The following UNC5D variants were observed in gnomAD, a reference collection of about 807,000 sequenced individuals.
The protein encoded by UNC5D is netrin receptor UNC5D.
In UNC5D, 39 loss-of-function variants were observed where a neutral mutation model predicts 105.4. The observed-to-expected ratio is 0.37, with a 90% confidence interval of 0.29 to 0.48. The LOEUF (loss-of-function observed/expected upper bound fraction) is 0.48, where lower values mean the gene tolerates loss of function less well. Ranked by LOEUF, UNC5D falls within the 20% of genes least tolerant of loss-of-function variation. The pLI, the probability that UNC5D is intolerant of heterozygous loss-of-function variation, is 0.98. For synonymous variants in UNC5D, 452 were observed against 450.4 expected (o/e 1.00, Z -0.04); for missense variants, 991 against 1,202.4 (o/e 0.82, Z 2.60).
chr8:35,597,683 C>T (rs1819574012), intron 4 of UNC5D, among the ~76,000 whole-genome samples: 3 of 152,076 alleles, frequency 2.0e-5, no homozygotes, highest in Admixed American at 1.3e-4. Flanking sequence ...ACTTCGCATA[C>T]TCTAGGTCTC....
At chr8:35,667,057 A>T (rs1272047949) in intron 4 of UNC5D, among the ~76,000 whole-genome samples, 1 of 152,174 alleles carries the variant, frequency 6.6e-6, no homozygotes, top group African/African-American at 2.4e-5. Context: ...GAACTAAAAA[A>T]CAAAAACAAT....
At chr8:35,624,533 A>G (rs1330442693) in intron 4 of UNC5D, among the ~76,000 whole-genome samples, 1 of 152,224 alleles carries the variant, frequency 6.6e-6, no homozygotes, top group African/African-American at 2.4e-5. Context: ...TCCAAACCCT[A>G]CTTCTGACAA....
At chr8:35,430,851 A>G (rs1806584703) in intron 1 of UNC5D, among the ~76,000 whole-genome samples, 1 of 152,244 alleles carries the variant, frequency 6.6e-6, no homozygotes, top group Admixed American at 6.5e-5. Context: ...GTAAGAGTGC[A>G]GAGTGACAGA....
chr8:35,305,593 C>CTTTATTTCTTTCTTTCTTTCTTTCT (rs1381069195), intron 1 of UNC5D, among the ~76,000 whole-genome samples: 1 of 142,022 alleles, frequency 7.0e-6, no homozygotes, highest in Non-Finnish European at 1.5e-5. Flanking sequence ...TTCTTTCTTT[C>CTTTATTTCTTTCTTTCTTTCTTTCT]TTTCTTTCTT....
Position 35,719,794 on chromosome 8 carries a change from G to A in UNC5D, c.1118-2416G>A, listed in dbSNP as rs114405825. Among the ~76,000 whole-genome samples the A allele has an allele frequency of 6.2e-3, 938 of 152,170 alleles. 11 individuals carry two copies. Among genetic ancestry groups the A allele is most frequent in the African/African-American group, 0.021 (858 of 41,508 alleles). On this transcript the variant is annotated intron_variant, in intron 8 of 16. Coordinates refer to ENST00000404895, the MANE Select transcript of UNC5D (RefSeq NM_080872.4). The stretch of plus-strand genomic sequence containing the variant: ...TCTATAGGCATCCCTTTCCTCTGCC[G>A]CTTAGCTTGTAGATCAAGCCATCCC...
At chr8:35,747,839 A>G (rs951939045) in intron 11 of UNC5D, among the ~76,000 whole-genome samples, 83 of 152,226 alleles carry the variant, frequency 5.5e-4, no homozygotes, top group African/African-American at 1.9e-3. Flanking sequence ...TCACAATTCA[A>G]AAAAGCTGAA....
At chr8:35,423,606 T>C (rs1806053094) in intron 1 of UNC5D, among the ~76,000 whole-genome samples, 1 of 152,198 alleles carries the variant, frequency 6.6e-6, no homozygotes, top group South Asian at 2.1e-4. Context: ...CTTGAACTAA[T>C]ACTGTTTTGG....
chr8:35,771,017 CT>C, intron 15 of UNC5D, among the ~76,000 whole-genome samples: 1 of 152,104 alleles, frequency 6.6e-6, no homozygotes, highest in South Asian at 2.1e-4. Context: ...GCCCAGATGT[CT>C]TTTAGAGTGC....
intron 1 of UNC5D, among the ~76,000 whole-genome samples, chr8:35,365,335 A>G (rs752912396): frequency 6.6e-6 from 1 of 152,058 alleles, no homozygotes; most frequent in Non-Finnish European, 1.5e-5. Context: ...ACGTTGGGTT[A>G]ACTTTTGTAC....
At chr8:35,548,673 TTGCTGGG>T (rs1815875406) in intron 1 of UNC5D, among the ~76,000 whole-genome samples, 1 of 152,186 alleles carries the variant, frequency 6.6e-6, no homozygotes, top group South Asian at 2.1e-4. Context: ...CAGCGGAAGG[TTGCTGGG>T]GGCAGAGGGT....
intron 11 of UNC5D, among the ~76,000 whole-genome samples, chr8:35,732,483 G>A (rs1330696010): frequency 6.6e-6 from 1 of 152,106 alleles, no homozygotes; most frequent in African/African-American, 2.4e-5. Flanking sequence ...GGTTTGAAGA[G>A]TTTACTCAAA....
intron 1 of UNC5D, among the ~76,000 whole-genome samples, chr8:35,403,193 TA>T (rs1804582668): frequency 6.6e-6 from 1 of 152,242 alleles, no homozygotes; most frequent in Non-Finnish European, 1.5e-5. Flanking sequence ...TACCTTTTGC[TA>T]AAGCTTGTTG....
chr8:35,421,842 A>G (rs1376697673), intron 1 of UNC5D, among the ~76,000 whole-genome samples: 1 of 152,176 alleles, frequency 6.6e-6, no homozygotes, highest in Non-Finnish European at 1.5e-5. Flanking sequence ...ACCTTTTAAA[A>G]ATAGTGAGAA....
At chr8:35,551,209 G>GT (rs1411051436) in intron 2 of UNC5D, among the ~76,000 whole-genome samples, 1 of 152,182 alleles carries the variant, frequency 6.6e-6, no homozygotes, top group African/African-American at 2.4e-5. Context: ...GTAAGAACTG[G>GT]TTCAAGAGTC....
At position 35,420,398 on chromosome 8, in the gene UNC5D, T is replaced by C. The variant is rs187493754; in HGVS notation, c.104-128894T>C. 1.2e-4 allele frequency among the ~76,000 whole-genome samples: 19 copies of C among 152,328 alleles called. No homozygotes were observed. In the East Asian group the frequency reaches 3.1e-3, roughly 25 times the overall value. On this transcript the variant is annotated intron_variant, in intron 1 of 16. Coordinates refer to ENST00000404895, the MANE Select transcript of UNC5D (RefSeq NM_080872.4). ...ATGAACACAGCGTTTTCTCTTCCTA[T>C]TTCTTTCCCCTCCACTAGTGCCTTC... is the stretch of plus-strand genomic sequence containing the variant.
At chr8:35,415,553 TGATTCCCTTTCATCAAG>T in intron 1 of UNC5D, among the ~76,000 whole-genome samples, 1 of 152,252 alleles carries the variant, frequency 6.6e-6, no homozygotes, top group South Asian at 2.1e-4. Flanking sequence ...CGTCTCCCCC[TGATTCCCTTTCATCAAG>T]GTAGCTCTAT....
At chr8:35,710,172 G>C (rs1827852106) in intron 8 of UNC5D, among the ~76,000 whole-genome samples, 1 of 152,126 alleles carries the variant, frequency 6.6e-6, no homozygotes, top group African/African-American at 2.4e-5. Context: ...ATAATACCTA[G>C]GCTCTTAATC....
At chr8:35,312,012 C>G (rs1355657637) in intron 1 of UNC5D, among the ~76,000 whole-genome samples, 1 of 152,126 alleles carries the variant, frequency 6.6e-6, no homozygotes, top group Non-Finnish European at 1.5e-5. Context: ...CATTTGGAAT[C>G]AGGGCTTTTA....
chr8:35,253,562 C>T (rs958666458), intron 1 of UNC5D, among the ~76,000 whole-genome samples: 2 of 145,152 alleles, frequency 1.4e-5, no homozygotes, highest in African/African-American at 5.1e-5. Flanking sequence ...TCTCAGCTCA[C>T]TGCAACCTCC....
Sources: gnomAD v4.1 joint callset for allele counts (sites outside exome capture counted in the v4.1 genomes callset) on GRCh38, gnomAD v4.1.1 for gene constraint, MANE v1.5 for transcripts, NCBI Gene and HGNC (gene_info 2026-07-23, HGNC 2026-07-21) for gene names.